CSMD3: variants seen among roughly 807,000 people sequenced by gnomAD.
CSMD3 encodes CUB and Sushi multiple domains 3.
A neutral mutation model predicts 435.2 loss-of-function variants in CSMD3; 177 were observed. The ratio of observed to expected loss-of-function variants is 0.41; its 90% confidence interval spans 0.36 to 0.46. CSMD3 has a LOEUF of 0.46. Among genes scored for constraint, CSMD3 ranks in the 20% least tolerant of loss-of-function variants. The pLI is 0.34. For missense variants in CSMD3, 4,265 were observed against 4,504.6 expected (o/e 0.95, Z 1.52); for synonymous variants, 1,656 against 1,520.5 (o/e 1.09, Z -2.07).
intron 5 of CSMD3, among the ~76,000 whole-genome samples, chr8:113,045,787 C>T (rs927991055): frequency 6.7e-6 from 1 of 149,312 alleles, no homozygotes; most frequent in African/African-American, 2.4e-5. Context: ...AAACTCGGCA[C>T]ATCATTTTAC....
In CSMD3 at chr8:113,009,000, A is replaced by G. The variant is rs1011362012; in HGVS notation, c.1030+10067T>C. Among the ~76,000 whole-genome samples the G allele has an allele frequency of 2.6e-5, 4 of 151,510 alleles. No individual in the cohort carries two copies. The Admixed American group carries it at 2.6e-4, about 10-fold the overall frequency. ...ATATTAGTAATATTTTATATAGATT[A>G]TATGTTGAAATGTTAATATTTTTGC... is the stretch of plus-strand genomic sequence containing the variant. On this transcript the variant is annotated intron_variant, in intron 6 of 70. Transcript: ENST00000297405.
chr8:112,585,396 C>G (rs937960689), intron 23 of CSMD3, among the ~76,000 whole-genome samples: 1 of 148,156 alleles, frequency 6.7e-6, no homozygotes, highest in Non-Finnish European at 1.5e-5. Flanking sequence ...ATTTAAAGGG[C>G]CTTACATTGA....
At chr8:112,788,751 C>G (rs1219877452) in intron 13 of CSMD3, among the ~76,000 whole-genome samples, 1 of 152,002 alleles carries the variant, frequency 6.6e-6, no homozygotes, top group Non-Finnish European at 1.5e-5. Context: ...CATTCTAATT[C>G]TTGGCATGTA....
chr8:113,317,105 A>C (rs1226851938), intron 1 of CSMD3, among the ~76,000 whole-genome samples: 10 of 152,136 alleles, frequency 6.6e-5, no homozygotes, highest in African/African-American at 2.4e-4. Flanking sequence ...AGAGGTTTAA[A>C]AAAAATCAAT....
chr8:112,637,195 T>C (rs1025665249), intron 21 of CSMD3, among the ~76,000 whole-genome samples, 190 bp from the exon 22 acceptor site: 1 of 152,174 alleles, frequency 6.6e-6, no homozygotes, highest in African/African-American at 2.4e-5. Context: ...AGCTAATAAC[T>C]TGATAAATAT....
intron 23 of CSMD3, among the ~76,000 whole-genome samples, chr8:112,583,089 A>T (rs1050805726): frequency 2.6e-5 from 4 of 152,202 alleles, no homozygotes; most frequent in Middle Eastern, 3.4e-3. Flanking sequence ...CAAGCAAGAG[A>T]TAATAATTTA....
chr8:113,061,724 ATGT>A (rs1446090512), intron 5 of CSMD3, among the ~76,000 whole-genome samples: 2 of 152,000 alleles, frequency 1.3e-5, no homozygotes, highest in Non-Finnish European at 2.9e-5. Flanking sequence ...TTTTTATTTA[ATGT>A]TGTTGGGATA....
At chr8:112,943,739 T>A (rs1449625938) in intron 9 of CSMD3, among the ~76,000 whole-genome samples, 1 of 151,696 alleles carries the variant, frequency 6.6e-6, no homozygotes, top group Non-Finnish European at 1.5e-5. Flanking sequence ...ACATACAAAG[T>A]TCTTTTTCCC....
rs76558040 is a variant in CSMD3 at position 113,175,542 on chromosome 8, T to C, written c.515-1626A>G. ...TTATTTCTCCAAGACATTAGCTATA[T>C]GTGAATTTTCAGTAAAACAATACAA... On this transcript the variant is annotated intron_variant, in intron 3 of 70. Coordinates refer to ENST00000297405, the MANE Select transcript of CSMD3 (RefSeq NM_198123.2). Among the ~76,000 whole-genome samples, 784 of 152,102 alleles carry C rather than the reference T, an allele frequency of 5.2e-3. 16 individuals are homozygous for C. The East Asian group carries it at 0.078, about 15-fold the overall frequency.
At chr8:113,246,787 C>T (rs975931472) in intron 3 of CSMD3, among the ~76,000 whole-genome samples, 1 of 152,154 alleles carries the variant, frequency 6.6e-6, no homozygotes, top group African/African-American at 2.4e-5. Context: ...CTAAAAGTCA[C>T]TCTTCCCTGA....
chr8:113,316,010 T>C (rs1237530392), intron 1 of CSMD3, among the ~76,000 whole-genome samples: 1 of 152,124 alleles, frequency 6.6e-6, no homozygotes, highest in Non-Finnish European at 1.5e-5. Context: ...TGAGCCACCA[T>C]GCCTGGCCTC....
intron 10 of CSMD3, among the ~76,000 whole-genome samples, chr8:112,904,753 G>C (rs1415251328): frequency 6.6e-6 from 1 of 151,294 alleles, no homozygotes; most frequent in Non-Finnish European, 1.5e-5. Context: ...TTAGATGATA[G>C]AATTGCCCTA....
At chr8:112,576,252 A>T (rs1829934165) in intron 23 of CSMD3, among the ~76,000 whole-genome samples, 1 of 151,990 alleles carries the variant, frequency 6.6e-6, no homozygotes, top group Admixed American at 6.6e-5. Flanking sequence ...CCTAATTTTT[A>T]AAAAATCTTC....
chr8:113,232,733 TTG>T (rs2093102559), intron 3 of CSMD3, among the ~76,000 whole-genome samples: 2 of 151,780 alleles, frequency 1.3e-5, no homozygotes, highest in Non-Finnish European at 3.0e-5. Context: ...ACTATAGCAT[TTG>T]ATTACCCGTA....
chr8:113,314,859 T>C, intron 1 of CSMD3, 66 bp from the exon 2 acceptor site: 3 of 1,133,140 alleles, frequency 2.6e-6, no homozygotes, highest in East Asian at 2.4e-5. Flanking sequence ...TGAGATAATA[T>C]TATTTTGAAA....
chr8:113,189,516 T>C (rs530850360), intron 3 of CSMD3, among the ~76,000 whole-genome samples: 1 of 151,976 alleles, frequency 6.6e-6, no homozygotes, highest in East Asian at 1.9e-4. Flanking sequence ...CTGGACTTTC[T>C]TATTTCAATT....
At chr8:113,149,351 C>T (rs1453623089) in intron 4 of CSMD3, among the ~76,000 whole-genome samples, 1 of 151,626 alleles carries the variant, frequency 6.6e-6, no homozygotes, top group Non-Finnish European at 1.5e-5. Flanking sequence ...CATTGTCTTC[C>T]CTCATTATTT....
chr8:113,374,837 A>AAC (rs2094369694), intron 1 of CSMD3, among the ~76,000 whole-genome samples: 1 of 127,676 alleles, frequency 7.8e-6, no homozygotes, highest in African/African-American at 2.8e-5. Flanking sequence ...AAAAAAAAAA[A>AAC]AAAAAAAAAA....
At chr8:112,468,866 T>G (rs1818238377) in intron 32 of CSMD3, among the ~76,000 whole-genome samples, 1 of 152,036 alleles carries the variant, frequency 6.6e-6, no homozygotes, top group Non-Finnish European at 1.5e-5. Flanking sequence ...GTTATTTTTC[T>G]GAGAGTAATA....
Sources: gnomAD v4.1 joint callset for allele counts (sites outside exome capture counted in the v4.1 genomes callset) on GRCh38, gnomAD v4.1.1 for gene constraint, MANE v1.5 for transcripts, NCBI Gene and HGNC (gene_info 2026-07-23, HGNC 2026-07-21) for gene names.